Variants in GRM6 observed in about 807,000 individuals in gnomAD.
The protein encoded by GRM6 is metabotropic glutamate receptor 6.
GRM6 carries 73 observed loss-of-function variants against 78.4 expected under a neutral mutation model. That is an observed-to-expected ratio of 0.93 (90% CI 0.77 to 1.13). The LOEUF (loss-of-function observed/expected upper bound fraction) is 1.13. GRM6 is among the 50% of genes most tolerant of loss of function. The probability of loss-of-function intolerance (pLI) is 0.00; values close to 1 mark genes in which losing one functional copy is unlikely to be tolerated. For missense variants in GRM6, 1,251 were observed against 1,256.4 expected, an observed-to-expected ratio of 1.00 and a Z score of 0.07; for synonymous variants, 580 against 555.0, an observed-to-expected ratio of 1.05 and a Z score of -0.63.
chr5:178,987,138 C>T (rs560323795), intron 7 of GRM6, 155 bp from the exon 8 acceptor site: 10 of 784,302 alleles, frequency 1.3e-5, no homozygotes, highest in Admixed American at 1.2e-4. Context: ...GATCCCCCTT[C>T]ACCCATTGGG....
chr5:178,983,279 C>T (rs1223038426), intron 9 of GRM6, 58 bp from the exon 10 acceptor site: 1 of 1,475,680 alleles, frequency 6.8e-7, no homozygotes, highest in Non-Finnish European at 9.4e-7. Context: ...TCCATTCCAG[C>T]CCTGACAGAG....
At chr5:178,986,000 G>T in intron 9 of GRM6, 130 bp downstream of exon 9, 1 of 814,584 alleles carries the variant, frequency 1.2e-6, no homozygotes. Flanking sequence ...GGACTCAGGT[G>T]ATCCACCCAC....
At position 178,988,173 on chromosome 5, in the gene GRM6, G is replaced by C. The variant is rs146435706; in HGVS notation, c.1354+762C>G. 6.6e-6 allele frequency among the ~76,000 whole-genome samples: 1 copy of C among 152,158 alleles called. No individual in the cohort carries two copies. Among genetic ancestry groups the C allele is most frequent in the African/African-American group, 2.4e-5 (1 of 41,422 alleles). The stretch of plus-strand genomic sequence containing the variant: ...ATGAAAAAAGTTTCACTGTCCAGGC[G>C]AGAGGATGAGTTCAGACACGGAGAG... On this transcript the variant is annotated intron_variant, in intron 7 of 10. Transcript: ENST00000517717. The surrounding 1 kb of genome is among the most constrained non-coding windows in gnomAD (Gnocchi z 6.0).
Position 178,994,798 on chromosome 5 carries a change from C to A in GRM6, c.147G>T (p.Ala49=). Residue 49 remains alanine (A), a synonymous_variant, in exon 2 of 11, where the codon GCG becomes GCT. Transcript: ENST00000517717. The part of the protein sequence containing the change: ...LTLGGLFPVH[A]RGAAGRACGQ... ...CGCACGCCCGGCCCGCCGCGCCCCGCGCGTGCACCGGGAACAGGCCGCCCA... is the reference window on the plus strand; with the variant it reads ...CGCACGCCCGGCCCGCCGCGCCCCGAGCGTGCACCGGGAACAGGCCGCCCA... 3.1e-6 allele frequency: 4 copies of A among 1,300,340 alleles called. No homozygotes were observed. Among genetic ancestry groups the A allele is most frequent in the Non-Finnish European group, 3.9e-6 (4 of 1,021,054 alleles). 80.6% of individuals were successfully genotyped at this position (1,300,340 alleles called of 1,614,324 possible).
At chr5:178,985,877 T>C (rs182007020) in intron 9 of GRM6, 501 of 560,566 alleles carry the variant, frequency 8.9e-4, no homozygotes, top group Non-Finnish European at 1.4e-3. Context: ...TCCTCCTATT[T>C]CAGCCTCCCA....
rs1189004291 is a variant in GRM6 at position 178,989,295 on chromosome 5, G to A, written c.1123C>T (p.Gln375Ter). Reference protein sequence around the residue: ...FNCKLTSSGTQSDDSTRKCTG... With the variant: ...FNCKLTSSGT ...CATTTGCGGGTGGAATCGTCTGACT[G>A]GGTACCTGAGCTGGTCAGTTTGCAG... is the stretch of plus-strand genomic sequence containing the variant. Residue 375 changes from glutamine to a stop codon, truncating the protein, a stop_gained, in exon 6 of 11, where the codon CAG (glutamine) becomes TAG (stop). Coordinates refer to ENST00000517717, the MANE Select transcript of GRM6 (RefSeq NM_000843.4). LOFTEE classifies it high-confidence loss of function. The A allele has an allele frequency of 6.2e-7, 1 of 1,609,866 alleles. No homozygotes were observed. Among genetic ancestry groups the A allele is most frequent in the Admixed American group, 1.7e-5 (1 of 59,320 alleles).
rs1359227092 is a variant in GRM6 at position 178,981,686 on chromosome 5, T to C, written c.2605A>G (p.Lys869Glu). The C allele has an allele frequency of 1.9e-6, 3 of 1,613,938 alleles. No homozygotes were observed. The highest frequency in any genetic ancestry group is 2.2e-5 in the East Asian group (1 of 44,858). ...TTGTGGGCCTCTGCATCCTCGCCCT[T>C]GGGTGGGGCTGCCACCGTGGAGGTG... ...KATSTVAAPP[K>E]GEDAEAHK The change falls in exon 11 of 11, where the codon AAG becomes GAG. Residue 869 changes from lysine to glutamate, a missense_variant. Physicochemically the swap from Lys to Glu is moderately conservative, Grantham distance 56. Coordinates refer to ENST00000517717, the MANE Select transcript of GRM6 (RefSeq NM_000843.4). This position sits in a 1 kb window ranked among gnomAD's most constrained non-coding sequence, Gnocchi z 5.1.
At position 178,991,862 on chromosome 5, in the gene GRM6, C is replaced by T; in HGVS notation, c.721+5G>A. Reference sequence around the variant, plus strand: ...CTCCTTGGTGCCTCGGAGCCCCCAGCTCACCAGCCTCTCGGGAGATCTGAA... The same window carrying T: ...CTCCTTGGTGCCTCGGAGCCCCCAGTTCACCAGCCTCTCGGGAGATCTGAA... On this transcript the variant is annotated splice_donor_5th_base_variant and intron_variant, in intron 3 of 10. Coordinates refer to ENST00000517717, the MANE Select transcript of GRM6 (RefSeq NM_000843.4). This position sits in a 1 kb window ranked among gnomAD's most constrained non-coding sequence, Gnocchi z 5.0. 1 of 1,612,128 alleles carries T rather than the reference C, an allele frequency of 6.2e-7. No homozygotes were observed. The highest frequency in any genetic ancestry group is 8.5e-7 in the Non-Finnish European group (1 of 1,178,446).
chr5:178,986,218 AAGATGCGGT>A lies in GRM6; in HGVS notation c.2027_2035del (p.Tyr676_Ile678del). The A allele has an allele frequency of 6.2e-7, 1 of 1,614,164 alleles. No homozygotes were observed. The highest frequency in any genetic ancestry group is 8.5e-7 in the Non-Finnish European group (1 of 1,180,012). On this transcript the variant is annotated inframe_deletion, in exon 9 of 11. Coordinates refer to ENST00000517717, the MANE Select transcript of GRM6 (RefSeq NM_000843.4). ...TGTGACCGAGCGCTTGCCCTGCTCAAAGATGCGGTAGATACGGTTGGTCTTGGTGAGCAG... is the reference window on the plus strand; with the variant it reads ...TGTGACCGAGCGCTTGCCCTGCTCAAAGATACGGTTGGTCTTGGTGAGCAG...
chr5:178,979,834 A>G lies in GRM6; in HGVS notation c.*1823T>C, dbSNP rs1760355394. 1 of 154,122 alleles carries G rather than the reference A, an allele frequency of 6.5e-6. No individual in the cohort carries two copies. The highest frequency in any genetic ancestry group is 6.5e-5 in the Admixed American group (1 of 15,282). 9.5% of individuals were successfully genotyped at this position (154,122 alleles called of 1,614,324 possible). On this transcript the variant is annotated 3_prime_UTR_variant, in exon 11 of 11. Coordinates refer to ENST00000517717, the MANE Select transcript of GRM6 (RefSeq NM_000843.4). The stretch of plus-strand genomic sequence containing the variant: ...TTGGAGATCAGAGCTCACTGATCTC[A>G]GAGTTCATACAGGAGAAGAGCCCTA...
At position 178,981,941 on chromosome 5, in the gene GRM6, T is replaced by C. The variant is rs1464176823; in HGVS notation, c.2437-87A>G. On this transcript the variant is annotated intron_variant, in intron 10 of 10. Coordinates refer to ENST00000517717, the MANE Select transcript of GRM6 (RefSeq NM_000843.4). This position sits in a 1 kb window ranked among gnomAD's most constrained non-coding sequence, Gnocchi z 5.1. ...CAGTCCTCACCACATACTCTGGAGCTGAGTCTGTTTCAGTTGGGGAACTGG... is the reference window on the plus strand; with the variant it reads ...CAGTCCTCACCACATACTCTGGAGCCGAGTCTGTTTCAGTTGGGGAACTGG... 2.2e-6 allele frequency: 2 copies of C among 899,340 alleles called. No homozygotes were observed. Among genetic ancestry groups the C allele is most frequent in the Non-Finnish European group, 3.8e-6 (2 of 531,332 alleles). The allele number at this position is 899,340 out of a possible 1,614,324, so 55.7% of individuals were successfully genotyped here. A position where few individuals can be genotyped will look rare whatever the true frequency, so the allele number is the denominator to read the frequency against.
chr5:178,985,240 G>T, intron 9 of GRM6: 1 of 456,392 alleles, frequency 2.2e-6, no homozygotes, highest in Non-Finnish European at 4.4e-6. Context: ...TTGTAGAAGA[G>T]CATTTTGGTT....
chr5:178,986,978 C>T lies in GRM6; in HGVS notation c.1360G>A (p.Ala454Thr), dbSNP rs774644036. ...YIRAVRFNGS[A>T]GTPVMFNENG... ...TCGTTGAACATCACAGGGGTTCCTG[C>T]GCTGCCTGGAGAGAGAGTCCGTCAT... The change falls in exon 8 of 11, where the codon GCA (alanine) becomes ACA (threonine). Residue 454 changes from alanine to threonine, a missense_variant. By Grantham distance (58) the Ala-to-Thr change is moderately conservative. Transcript: ENST00000517717. The T allele has an allele frequency of 7.4e-6, 12 of 1,613,422 alleles. No homozygotes were observed. Among genetic ancestry groups the T allele is most frequent in the South Asian group, 4.4e-5 (4 of 90,950 alleles).
At chr5:178,989,222 C>T in intron 6 of GRM6, 43 bp downstream of exon 6, 1 of 1,126,182 alleles carries the variant, frequency 8.9e-7, no homozygotes. Context: ...CCCTCACCAC[C>T]CTCCCCACCC....
chr5:178,986,839 T>C lies in GRM6; in HGVS notation c.1499A>G (p.Asp500Gly). ...CTGGGGCTCGGTCTGCACACTCACA[T>C]CCAGTCTGAGGGTCTCTGCCCACTG... ...VGQWAETLRL[D>G]VEALQWSGDP... Residue 500 changes from aspartate (D) to glycine (G), a missense_variant and splice_region_variant, in exon 8 of 11, where the codon GAT becomes GGT. Physicochemically the swap from Asp to Gly is moderately conservative, Grantham distance 94. Coordinates refer to ENST00000517717, the MANE Select transcript of GRM6 (RefSeq NM_000843.4). 6.2e-7 allele frequency: 1 copy of C among 1,613,750 alleles called. No homozygotes were observed.
intron 10 of GRM6, among the ~76,000 whole-genome samples, chr5:178,982,284 A>G (rs10464073): frequency 0.11 from 17,074 of 152,246 alleles, 1,124 homozygotes; most frequent in East Asian, 0.23. Context: ...TGGCAGTTAT[A>G]AAGCACATGA....
intron 9 of GRM6, among the ~76,000 whole-genome samples, chr5:178,984,873 C>G (rs760365468): frequency 2.0e-5 from 3 of 152,170 alleles, no homozygotes; most frequent in Non-Finnish European, 4.4e-5. Context: ...CCACCCTCCA[C>G]CTGGCCCTGA....
Position 178,986,531 on chromosome 5 carries a change from G to A in GRM6, c.1723C>T (p.Pro575Ser), listed in dbSNP as rs775137930. ...TPNHTGCRPT[P>S]VVRLSWSSPW... Reference sequence around the variant, plus strand: ...GAGGACCAGCTCAGGCGCACCACAGGTGTGGGGCGGCAGCCCGTGTGGTTG... The same window carrying A: ...GAGGACCAGCTCAGGCGCACCACAGATGTGGGGCGGCAGCCCGTGTGGTTG... The change falls in exon 9 of 11, where the codon CCT becomes TCT. Residue 575 changes from proline (P) to serine (S), a missense_variant. Transcript: ENST00000517717. The A allele has an allele frequency of 1.2e-6, 2 of 1,608,142 alleles. No homozygotes were observed. The highest frequency in any genetic ancestry group is 1.6e-4 in the Middle Eastern group (1 of 6,078).
chr5:178,989,084 T>C lies in GRM6; in HGVS notation c.1205A>G (p.Gln402Arg). ...DSTYEQEGKV[Q>R]FVIDAVYAIA... ...GGCGTACACCGCATCAATCACAAAC[T>C]GCACCTTGCCCTCCTGCTCGTAGGT... The change falls in exon 7 of 11, where the codon CAG becomes CGG. Residue 402 changes from glutamine to arginine, a missense_variant. Coordinates refer to ENST00000517717, the MANE Select transcript of GRM6 (RefSeq NM_000843.4). 1 of 1,614,078 alleles carries C rather than the reference T, an allele frequency of 6.2e-7. No individual in the cohort carries two copies. Among genetic ancestry groups the C allele is most frequent in the Non-Finnish European group, 8.5e-7 (1 of 1,179,976 alleles).
Sources: gnomAD v4.1 joint callset for allele counts (sites outside exome capture counted in the v4.1 genomes callset) on GRCh38, gnomAD v4.1.1 for gene constraint, Gnocchi (gnomAD v3.1) non-coding constraint, MANE v1.5 for transcripts, NCBI Gene and HGNC (gene_info 2026-07-23, HGNC 2026-07-21) for gene names.